Variants in RPS6KA3 observed in about 807,000 individuals in gnomAD.
RPS6KA3 encodes ribosomal protein S6 kinase alpha-3.
In RPS6KA3, 4 loss-of-function variants were observed where a neutral mutation model predicts 67.2. The observed-to-expected ratio is 0.06, with a 90% CI of 0.03 to 0.14. The LOEUF (loss-of-function observed/expected upper bound fraction) is 0.14. RPS6KA3 is among the 10% of genes least tolerant of loss of function. The pLI, the probability that RPS6KA3 is intolerant of heterozygous loss-of-function variation, is 1.00. For missense variants in RPS6KA3, 204 were observed against 559.0 expected (o/e 0.36, Z 6.40); for synonymous variants, 182 against 183.7 (o/e 0.99, Z 0.07).
intron 2 of RPS6KA3, among the ~76,000 whole-genome samples, chrX:20,216,793 G>A (rs2068865573): frequency 9.0e-6 from 1 of 110,822 alleles, no homozygotes; most frequent in Non-Finnish European, 1.9e-5. Context: ...AGAGAAGAAT[G>A]AGGTCAAGAG....
rs1180074048 is a variant in RPS6KA3 at position 20,171,069 on chromosome X, A to G, written c.1354-1578T>C. Reference sequence around the variant, plus strand: ...GCTAGGATTACAAACGTGAGACACTATGTCTGGCATGATTTTCTTAATAAC... The same window carrying G: ...GCTAGGATTACAAACGTGAGACACTGTGTCTGGCATGATTTTCTTAATAAC... On this transcript the variant is annotated intron_variant, in intron 15 of 21. Transcript: ENST00000379565. 3.6e-5 allele frequency among the ~76,000 whole-genome samples: 4 copies of G among 112,066 alleles called. No homozygotes were observed. The Admixed American group carries it at 3.8e-4, about 11-fold the overall frequency.
rs200439287 is a variant in RPS6KA3, at chrX:20,220,193, GA to G, written c.127-10790del. On this transcript the variant is annotated intron_variant, in intron 2 of 21. Coordinates refer to ENST00000379565, the MANE Select transcript of RPS6KA3 (RefSeq NM_004586.3). ...AAAATGTTCTATAAATGACCTAATGGAAGTTGAAGAGTAACTAAAAAAAAAA... is the reference window on the plus strand; with the variant it reads ...AAAATGTTCTATAAATGACCTAATGGAGTTGAAGAGTAACTAAAAAAAAAA... 9.4e-3 allele frequency among the ~76,000 whole-genome samples: 1,038 copies of G among 110,737 alleles called. 14 individuals carry two copies. The highest frequency in any genetic ancestry group is 0.032 in the African/African-American group (963 of 30,523).
At chrX:20,212,893 C>T (rs1248780079) in intron 2 of RPS6KA3, among the ~76,000 whole-genome samples, 2 of 111,869 alleles carry the variant, frequency 1.8e-5, no homozygotes, top group African/African-American at 6.5e-5. Flanking sequence ...GCCTTCATTA[C>T]CTTTCAGCTA....
intron 15 of RPS6KA3, 74 bp downstream of exon 15, chrX:20,172,672 G>A: frequency 2.2e-6 from 2 of 904,937 alleles, no homozygotes; most frequent in Non-Finnish European, 3.1e-6. Context: ...AACAAGGGGA[G>A]TGTAATTTTT....
intron 18 of RPS6KA3, 32 bp downstream of exon 18, chrX:20,164,864 ATAC>A: frequency 3.6e-6 from 4 of 1,107,972 alleles, no homozygotes; most frequent in Non-Finnish European, 5.0e-6. Context: ...GTTTTAAAAC[ATAC>A]TAATACTGCA....
At position 20,158,121 on chromosome X, in the gene RPS6KA3, T is replaced by G. The variant is rs759434555; in HGVS notation, c.1960-1872A>C. Among the ~76,000 whole-genome samples the G allele has an allele frequency of 3.6e-4, 39 of 109,147 alleles. 1 individual carries two copies. The highest frequency in any genetic ancestry group is 9.3e-3 in the Middle Eastern group (2 of 214). The allele number at this position is 109,147 out of a possible 115,157, so 94.8% of individuals were successfully genotyped here. A position where few individuals can be genotyped will look rare whatever the true frequency, so the allele number is the denominator to read the frequency against. On this transcript the variant is annotated intron_variant, in intron 20 of 21. Transcript: ENST00000379565. ...AAATTGGGCTGGGCGTGGGAGAAAT[T>G]TGGGAGGCCAAAGTGGGAGGCTCAC...
Position 20,266,729 on chromosome X carries a change from G to GGCA in RPS6KA3, c.-98_-97insTGC, listed in dbSNP as rs1232270570. The GGCA allele has an allele frequency of 6.0e-4, 100 of 167,482 alleles. No homozygotes were observed. Among genetic ancestry groups the GGCA allele is most frequent in the Non-Finnish European group, 6.5e-4 (95 of 147,192 alleles). 13.8% of individuals were successfully genotyped at this position (167,482 alleles called of 1,213,427 possible). ...GCCGCCCGAGCCCCACGGCAGCGGC[G>GGCA]GCGGCGGCGGCGGCGGCGGCAGCGG... On this transcript the variant is annotated 5_prime_UTR_variant, in exon 1 of 22. Coordinates refer to ENST00000379565, the MANE Select transcript of RPS6KA3 (RefSeq NM_004586.3).
intron 1 of RPS6KA3, among the ~76,000 whole-genome samples, chrX:20,253,482 A>C (rs891576110): frequency 2.6e-4 from 29 of 110,249 alleles, no homozygotes; most frequent in Admixed American, 2.6e-3. Flanking sequence ...GGTTTTCTTG[A>C]GTCTCGAGGT....
chrX:20,209,239 A>G (rs1194321319), intron 3 of RPS6KA3, 49 bp downstream of exon 3: 5 of 667,235 alleles, frequency 7.5e-6, no homozygotes, highest in Non-Finnish European at 1.2e-5. Context: ...TATGAAATAC[A>G]TATGAATTGA....
At chrX:20,259,474 C>A (rs920522082) in intron 1 of RPS6KA3, among the ~76,000 whole-genome samples, 1 of 111,054 alleles carries the variant, frequency 9.0e-6, no homozygotes, top group Non-Finnish European at 1.9e-5. Flanking sequence ...ACTATTAAGA[C>A]GGAACATTTT....
rs758096345 is a variant in RPS6KA3 at position 20,150,493 on chromosome X, T to C, written c.*4905A>G. The C allele has an allele frequency of 8.9e-6, 1 of 112,808 alleles. No homozygotes were observed. The highest frequency in any genetic ancestry group is 1.9e-5 in the Non-Finnish European group (1 of 53,206). 9.3% of individuals were successfully genotyped at this position (112,808 alleles called of 1,213,427 possible). On this transcript the variant is annotated 3_prime_UTR_variant, in exon 22 of 22. Coordinates refer to ENST00000379565, the MANE Select transcript of RPS6KA3 (RefSeq NM_004586.3). ...CATAATCAATAAGGATGCTAAGGAATGGCAATACCTTGAAGCTTTTTTTAA... is the reference window on the plus strand; with the variant it reads ...CATAATCAATAAGGATGCTAAGGAACGGCAATACCTTGAAGCTTTTTTTAA...
At chrX:20,218,938 TC>T in intron 2 of RPS6KA3, 2 of 647,427 alleles carry the variant, frequency 3.1e-6, no homozygotes, top group Non-Finnish European at 4.7e-6. Flanking sequence ...TACCAGCTGT[TC>T]CGGCAATTAG....
intron 1 of RPS6KA3, among the ~76,000 whole-genome samples, chrX:20,249,576 G>A (rs993263700): frequency 1.8e-5 from 2 of 111,296 alleles, no homozygotes; most frequent in Non-Finnish European, 3.8e-5. Flanking sequence ...CTTTTCATAT[G>A]CTTATCTGCT....
chrX:20,256,186 A>AAAAAAG (rs2086330678), intron 1 of RPS6KA3, among the ~76,000 whole-genome samples: 3 of 104,065 alleles, frequency 2.9e-5, no homozygotes, highest in African/African-American at 1.1e-4. Flanking sequence ...AAAAAAAAAA[A>AAAAAAG]AAAAAAAAAA....
At chrX:20,233,628 G>A (rs2069330622) in intron 2 of RPS6KA3, among the ~76,000 whole-genome samples, 1 of 110,112 alleles carries the variant, frequency 9.1e-6, no homozygotes, top group African/African-American at 3.3e-5. Flanking sequence ...GCATGTGCCT[G>A]TAGTACTAGC....
At chrX:20,250,842 G>A (rs2069844684) in intron 1 of RPS6KA3, among the ~76,000 whole-genome samples, 1 of 111,650 alleles carries the variant, frequency 9.0e-6, no homozygotes, top group Admixed American at 9.4e-5. Context: ...CTATCTTTAG[G>A]TTTTGCTATC....
chrX:20,161,954 AT>A (rs1879183933), intron 19 of RPS6KA3, among the ~76,000 whole-genome samples, 193 bp from the exon 20 acceptor site: 1 of 109,175 alleles, frequency 9.2e-6, no homozygotes, highest in Admixed American at 9.9e-5. Flanking sequence ...TAATATACAA[AT>A]TATTGTATAT....
At chrX:20,207,698 A>T (rs2068604367) in intron 3 of RPS6KA3, among the ~76,000 whole-genome samples, 1 of 111,933 alleles carries the variant, frequency 8.9e-6, no homozygotes, top group South Asian at 3.7e-4. Context: ...GAAGAAAAAA[A>T]ATTGAATTGA....
chrX:20,201,883 C>T (rs1011279358), intron 4 of RPS6KA3, among the ~76,000 whole-genome samples: 1 of 110,147 alleles, frequency 9.1e-6, no homozygotes, highest in Non-Finnish European at 1.9e-5. Flanking sequence ...TATTTCCTCA[C>T]AAGTTTCCTA....
Sources: gnomAD v4.1 joint callset for allele counts (sites outside exome capture counted in the v4.1 genomes callset) on GRCh38, gnomAD v4.1.1 for gene constraint, MANE v1.5 for transcripts, NCBI Gene and HGNC (gene_info 2026-07-23, HGNC 2026-07-21) for gene names.